SLC39A11: variants seen among roughly 807,000 people sequenced by gnomAD.
SLC39A11 encodes the protein zinc transporter ZIP11.
In SLC39A11, 33 loss-of-function variants were observed where a neutral mutation model predicts 36.1. The observed-to-expected ratio is 0.91, with a 90% CI of 0.69 to 1.22. The LOEUF (loss-of-function observed/expected upper bound fraction) is 1.22, where lower values mean the gene tolerates loss of function less well. Among genes scored for constraint, SLC39A11 ranks in the 50% most tolerant of loss-of-function variants. The pLI, the probability that SLC39A11 is intolerant of heterozygous loss-of-function variation, is 0.00. For synonymous variants in SLC39A11, 166 were observed against 170.3 expected (o/e 0.97, Z 0.20); for missense variants, 432 against 430.3 (o/e 1.00, Z -0.03).
At chr17:72,668,516 G>A (rs183187145) in intron 7 of SLC39A11, among the ~76,000 whole-genome samples, 11 of 152,260 alleles carry the variant, frequency 7.2e-5, no homozygotes, top group Non-Finnish European at 1.2e-4. Flanking sequence ...CTATGAAGCT[G>A]GTTTTGACTT....
intron 7 of SLC39A11, among the ~76,000 whole-genome samples, chr17:72,706,624 C>G (rs559938376): frequency 1.3e-5 from 2 of 152,312 alleles, no homozygotes; most frequent in East Asian, 1.9e-4. Context: ...TCTTGCCTGT[C>G]AGAAAGAATT....
chr17:72,853,599 C>G (rs770725451), intron 5 of SLC39A11, among the ~76,000 whole-genome samples: 1 of 152,036 alleles, frequency 6.6e-6, no homozygotes, highest in African/African-American at 2.4e-5. Context: ...TAAAAATGCA[C>G]GCCTGGCCCC....
chr17:72,953,531 C>T (rs973934832), intron 4 of SLC39A11, among the ~76,000 whole-genome samples: 1 of 152,088 alleles, frequency 6.6e-6, no homozygotes, highest in Admixed American at 6.6e-5. Context: ...AGGAGGAGGG[C>T]AACTGTTAGT....
intron 7 of SLC39A11, among the ~76,000 whole-genome samples, chr17:72,679,096 G>C (rs895365217): frequency 2.0e-5 from 3 of 152,154 alleles, no homozygotes; most frequent in African/African-American, 7.2e-5. Flanking sequence ...AGAGTAGAAT[G>C]GTGGCTACCA....
At chr17:73,039,196 C>T (rs1053799658) in intron 3 of SLC39A11, among the ~76,000 whole-genome samples, 3 of 152,102 alleles carry the variant, frequency 2.0e-5, no homozygotes, top group African/African-American at 4.8e-5. Flanking sequence ...CACCCCAACC[C>T]GATTCCCAGC....
intron 7 of SLC39A11, among the ~76,000 whole-genome samples, chr17:72,724,489 G>A (rs186255173): frequency 6.6e-6 from 1 of 152,194 alleles, no homozygotes; most frequent in Non-Finnish European, 1.5e-5. Context: ...GAGACAATGA[G>A]GAAAGCAGAC....
chr17:72,904,365 C>G lies in SLC39A11; in HGVS notation c.430+43387G>C, dbSNP rs140623923. 8.1e-4 allele frequency among the ~76,000 whole-genome samples: 124 copies of G among 152,300 alleles called. 1 individual carries two copies. The East Asian group carries it at 0.018, about 23-fold the overall frequency. ...GAAGGGCATTTCAGGCAAAGGAACC[C>G]AACACGTTCAGTCTCCACTGAATTT... is the stretch of plus-strand genomic sequence containing the variant. On this transcript the variant is annotated intron_variant, in intron 5 of 9. Transcript: ENST00000255559.
intron 6 of SLC39A11, among the ~76,000 whole-genome samples, chr17:72,823,368 T>C (rs1335617527): frequency 1.1e-4 from 17 of 151,154 alleles, no homozygotes; most frequent in Admixed American, 1.1e-3. Flanking sequence ...ATCTTCCATC[T>C]CCTTCAGTGG....
intron 5 of SLC39A11, among the ~76,000 whole-genome samples, chr17:72,854,485 C>T (rs1345141108): frequency 6.6e-6 from 1 of 152,070 alleles, no homozygotes; most frequent in Non-Finnish European, 1.5e-5. Flanking sequence ...TACTTGCAGA[C>T]AAACCTGAAA....
chr17:72,978,846 G>A (rs2148143448), intron 4 of SLC39A11, among the ~76,000 whole-genome samples: 1 of 152,300 alleles, frequency 6.6e-6, no homozygotes, highest in African/African-American at 2.4e-5. Context: ...TGAACACTTA[G>A]GGCACGCCAA....
At chr17:73,002,185 G>GT (rs2089860587) in intron 4 of SLC39A11, among the ~76,000 whole-genome samples, 1 of 152,130 alleles carries the variant, frequency 6.6e-6, no homozygotes, top group African/African-American at 2.4e-5. Flanking sequence ...GCCATTGCCT[G>GT]TAAGATGCAT....
At chr17:72,857,736 G>C (rs1238010102) in intron 5 of SLC39A11, among the ~76,000 whole-genome samples, 1 of 152,200 alleles carries the variant, frequency 6.6e-6, no homozygotes, top group Non-Finnish European at 1.5e-5. Context: ...CTAATGATCA[G>C]TGGTGTTGAG....
At chr17:72,801,093 G>A (rs773899202) in intron 6 of SLC39A11, among the ~76,000 whole-genome samples, 2 of 152,216 alleles carry the variant, frequency 1.3e-5, no homozygotes, top group Non-Finnish European at 2.9e-5. Context: ...TATACGAAAT[G>A]TCCAGAAGAG....
At chr17:72,908,359 A>G (rs2082773881) in intron 5 of SLC39A11, among the ~76,000 whole-genome samples, 1 of 152,170 alleles carries the variant, frequency 6.6e-6, no homozygotes, top group Non-Finnish European at 1.5e-5. Flanking sequence ...GGGGGTAGGT[A>G]AAGTCTTACA....
At chr17:72,716,968 CAAA>C (rs761854832) in intron 7 of SLC39A11, among the ~76,000 whole-genome samples, 2 of 90,516 alleles carry the variant, frequency 2.2e-5, no homozygotes, top group African/African-American at 1.1e-4. Flanking sequence ...GACCCTGTCT[CAAA>C]AAAAAAAAAA....
At chr17:73,091,362 T>C (rs1259015169) in intron 1 of SLC39A11, among the ~76,000 whole-genome samples, 4 of 152,002 alleles carry the variant, frequency 2.6e-5, no homozygotes, top group African/African-American at 9.7e-5. Context: ...AGTAATCGCT[T>C]GAACCCGGGA....
intron 3 of SLC39A11, among the ~76,000 whole-genome samples, chr17:73,032,184 G>C (rs992689030): frequency 2.0e-5 from 3 of 151,576 alleles, no homozygotes; most frequent in Non-Finnish European, 4.4e-5. Flanking sequence ...ATGTCAATGA[G>C]AATGCTGTTG....
chr17:72,862,968 A>G (rs750321230), intron 5 of SLC39A11, among the ~76,000 whole-genome samples: 10 of 152,324 alleles, frequency 6.6e-5, no homozygotes, highest in Non-Finnish European at 1.3e-4. Flanking sequence ...AAACGACAAG[A>G]AAACCCCACA....
chr17:73,022,595 T>TTA (rs2058389047), intron 4 of SLC39A11, among the ~76,000 whole-genome samples: 2 of 56,776 alleles, frequency 3.5e-5, no homozygotes, highest in Non-Finnish European at 5.7e-5. Flanking sequence ...AACTCCATCT[T>TTA]AAAAAAAAAA....
Sources: gnomAD v4.1 joint callset for allele counts (sites outside exome capture counted in the v4.1 genomes callset) on GRCh38, gnomAD v4.1.1 for gene constraint, MANE v1.5 for transcripts, NCBI Gene and HGNC (gene_info 2026-07-23, HGNC 2026-07-21) for gene names.